GPM6A: variants seen among roughly 807,000 people sequenced by gnomAD.
GPM6A encodes neuronal membrane glycoprotein M6-a.
A neutral mutation model predicts 32.1 loss-of-function variants in GPM6A; 7 were observed. The ratio of observed to expected loss-of-function variants is 0.22; its 90% CI spans 0.12 to 0.41. The LOEUF (loss-of-function observed/expected upper bound fraction) is 0.41. Ranked by LOEUF, GPM6A falls within the 10% of genes least tolerant of loss-of-function variation. The pLI, the probability that GPM6A is intolerant of heterozygous loss-of-function variation, is 1.00. For missense variants in GPM6A, 235 were observed against 347.2 expected, an observed-to-expected ratio of 0.68 and a Z score of 2.57; for synonymous variants, 130 against 123.4, an observed-to-expected ratio of 1.05 and a Z score of -0.35.
intron 1 of GPM6A, among the ~76,000 whole-genome samples, chr4:175,985,756 T>C (rs1740954244): frequency 1.3e-5 from 2 of 152,174 alleles, no homozygotes; most frequent in African/African-American, 4.8e-5. Flanking sequence ...ACTTATAATT[T>C]TTATCATAAG....
intron 1 of GPM6A, among the ~76,000 whole-genome samples, chr4:175,858,322 A>G (rs113024619): frequency 0.028 from 4,209 of 152,234 alleles, 171 homozygotes; most frequent in African/African-American, 0.089. Context: ...GCCTGAGGTC[A>G]GGAGTTTGAC....
intron 1 of GPM6A, among the ~76,000 whole-genome samples, chr4:175,754,607 C>A (rs1449958878): frequency 6.6e-6 from 1 of 152,066 alleles, no homozygotes; most frequent in Non-Finnish European, 1.5e-5. Flanking sequence ...TAGGTATTTT[C>A]TTTCAAAGTT....
At chr4:175,777,290 C>T (rs1733434629) in intron 1 of GPM6A, among the ~76,000 whole-genome samples, 1 of 152,042 alleles carries the variant, frequency 6.6e-6, no homozygotes, top group Admixed American at 6.6e-5. Context: ...TTACTGTCTT[C>T]ATGAAAAATA....
chr4:175,884,482 C>T (rs914636913), intron 1 of GPM6A, among the ~76,000 whole-genome samples: 5 of 152,078 alleles, frequency 3.3e-5, no homozygotes, highest in Non-Finnish European at 7.4e-5. Flanking sequence ...TCCAATAAAT[C>T]CAACATTTGA....
At chr4:175,715,267 G>A (rs1322736524) in intron 1 of GPM6A, among the ~76,000 whole-genome samples, 1 of 152,106 alleles carries the variant, frequency 6.6e-6, no homozygotes, top group Non-Finnish European at 1.5e-5. Context: ...TTCCCAAGAT[G>A]TACTAGCTTA....
Position 175,648,545 on chromosome 4 carries a change from A to G in GPM6A, c.541+3289T>C, listed in dbSNP as rs574728301. ...CCTATTGCTGCTGTAACAGATTGTCATAAATGTAGTGGCTTAAAGCAACAC... is the reference window on the plus strand; with the variant it reads ...CCTATTGCTGCTGTAACAGATTGTCGTAAATGTAGTGGCTTAAAGCAACAC... On this transcript the variant is annotated intron_variant, in intron 4 of 6. Transcript: ENST00000393658. Among the ~76,000 whole-genome samples the G allele has an allele frequency of 2.6e-5, 4 of 152,326 alleles. No individual in the cohort carries two copies. In the South Asian group the frequency reaches 8.3e-4, roughly 32 times the overall value.
chr4:175,804,693 A>G (rs1734612815), intron 1 of GPM6A, among the ~76,000 whole-genome samples: 1 of 152,164 alleles, frequency 6.6e-6, no homozygotes, highest in African/African-American at 2.4e-5. Context: ...GTACTTAATT[A>G]TGTTTCTGAT....
At chr4:175,916,773 G>A (rs1579624680) in intron 1 of GPM6A, among the ~76,000 whole-genome samples, 2 of 152,244 alleles carry the variant, frequency 1.3e-5, no homozygotes, top group South Asian at 4.1e-4. Context: ...TTCAAGGATA[G>A]GAGCAGTCAA....
intron 1 of GPM6A, among the ~76,000 whole-genome samples, chr4:175,954,687 C>T (rs913416261): frequency 6.6e-6 from 1 of 152,194 alleles, no homozygotes; most frequent in Non-Finnish European, 1.5e-5. Flanking sequence ...AGTGAGGTTG[C>T]ACCCGTGTCT....
intron 1 of GPM6A, among the ~76,000 whole-genome samples, chr4:175,979,166 T>A (rs1274858783): frequency 6.6e-6 from 1 of 152,228 alleles, no homozygotes; most frequent in Non-Finnish European, 1.5e-5. Context: ...TACAGTTTCA[T>A]GAGGTGTAAG....
chr4:175,677,938 C>T (rs1256127093), intron 2 of GPM6A, among the ~76,000 whole-genome samples: 1 of 152,174 alleles, frequency 6.6e-6, no homozygotes, highest in Admixed American at 6.5e-5. Context: ...TAGCCTAAGT[C>T]AGTCACATGA....
chr4:175,633,038 G>A lies in GPM6A; in HGVS notation c.*1867C>T, dbSNP rs921083864. 1 of 152,396 alleles carries A rather than the reference G, an allele frequency of 6.6e-6. No individual in the cohort carries two copies. Among genetic ancestry groups the A allele is most frequent in the African/African-American group, 2.4e-5 (1 of 41,412 alleles). The allele number at this position is 152,396 out of a possible 1,614,324, so 9.4% of individuals were successfully genotyped here. A position where few individuals can be genotyped will look rare whatever the true frequency, so the allele number is the denominator to read the frequency against. On this transcript the variant is annotated 3_prime_UTR_variant, in exon 7 of 7. Transcript: ENST00000393658. ...ACCATCAAGCTGTTGGCACATTTAT[G>A]TACAAAACAGATTAATTGTAATGCC...
intron 1 of GPM6A, among the ~76,000 whole-genome samples, chr4:175,984,371 GC>G (rs1472745270): frequency 6.6e-6 from 1 of 152,044 alleles, no homozygotes; most frequent in Non-Finnish European, 1.5e-5. Context: ...CACCGTGTCA[GC>G]CAGGATGGTC....
intron 1 of GPM6A, among the ~76,000 whole-genome samples, chr4:175,832,050 G>T (rs1276346319): frequency 2.0e-4 from 30 of 151,936 alleles, no homozygotes; most frequent in Admixed American, 2.0e-3. Flanking sequence ...ACTTCTTAAT[G>T]CTGGAAGTAC....
chr4:175,989,660 T>C (rs1467643903), intron 1 of GPM6A, among the ~76,000 whole-genome samples: 2 of 152,248 alleles, frequency 1.3e-5, no homozygotes, highest in East Asian at 3.8e-4. Flanking sequence ...TAACTTAGTT[T>C]GATCAGTGTA....
At chr4:175,917,038 CT>C (rs1238723780) in intron 1 of GPM6A, among the ~76,000 whole-genome samples, 1 of 152,134 alleles carries the variant, frequency 6.6e-6, no homozygotes, top group Non-Finnish European at 1.5e-5. Context: ...ATTCTTTTAG[CT>C]AAGGATATCC....
At chr4:175,745,144 A>G (rs1010791446) in intron 1 of GPM6A, among the ~76,000 whole-genome samples, 1 of 152,160 alleles carries the variant, frequency 6.6e-6, no homozygotes, top group Admixed American at 6.6e-5. Context: ...AAAACATGAA[A>G]TACCAGATTT....
At chr4:175,874,675 C>T (rs538568872) in intron 1 of GPM6A, among the ~76,000 whole-genome samples, 1 of 151,900 alleles carries the variant, frequency 6.6e-6, no homozygotes, top group Admixed American at 6.6e-5. Flanking sequence ...AAAAGAGAGG[C>T]TGTAATAATG....
chr4:175,670,201 A>G (rs1391821872), intron 3 of GPM6A, among the ~76,000 whole-genome samples: 1 of 152,208 alleles, frequency 6.6e-6, no homozygotes, highest in Non-Finnish European at 1.5e-5. Context: ...TATGGAAAAT[A>G]CATTTATTGA....
Sources: allele counts gnomAD v4.1 joint callset (sites outside exome capture counted in the v4.1 genomes callset), GRCh38; gene constraint gnomAD v4.1.1; transcripts MANE v1.5; gene names NCBI Gene and HGNC (gene_info 2026-07-23, HGNC 2026-07-21).